ENDOD1: variants seen among roughly 807,000 people sequenced by gnomAD.
The protein encoded by ENDOD1 is endonuclease domain-containing 1 protein.
Under a neutral mutation model 6.5 loss-of-function variants are expected in ENDOD1, and 9 were observed. The observed-to-expected ratio is 1.39, with a 90% CI of 0.84 to 2.43. The LOEUF is 2.43. Among genes scored for constraint, ENDOD1 ranks in the 30% most tolerant of loss-of-function variants. The pLI is 0.00. For missense variants in ENDOD1, 648 were observed against 635.5 expected (o/e 1.02, Z -0.21); for synonymous variants, 255 against 255.2 (o/e 1.00, Z 0.01).
rs1312408696 is a variant in ENDOD1, at chr11:95,122,336, C to G, written c.301-6041C>G. Among the ~76,000 whole-genome samples the G allele has an allele frequency of 2.0e-5, 3 of 152,062 alleles. No homozygotes were observed. In the East Asian group the frequency reaches 5.8e-4, roughly 29 times the overall value. On this transcript the variant is annotated intron_variant, in intron 1 of 1. Transcript: ENST00000278505. Reference sequence around the variant, plus strand: ...TCCCTGAGTTCAAGCCATTCTCATGCCTCAGCCTCCCAAGTACCTGGGACT... The same window carrying G: ...TCCCTGAGTTCAAGCCATTCTCATGGCTCAGCCTCCCAAGTACCTGGGACT...
rs568590820 is a variant in ENDOD1 at position 95,103,738 on chromosome 11, C to T, written c.300+13511C>T. 2.6e-5 allele frequency among the ~76,000 whole-genome samples: 4 copies of T among 152,298 alleles called. No individual in the cohort carries two copies. In the South Asian group the frequency reaches 8.3e-4, roughly 32 times the overall value. ...ACCAAATCTCTTAGAGCTCAGTTCC[C>T]CATCTGTGGCATGGGACTAATAAAT... On this transcript the variant is annotated intron_variant, in intron 1 of 1. Coordinates refer to ENST00000278505, the MANE Select transcript of ENDOD1 (RefSeq NM_015036.3).
chr11:95,126,634 A>G (rs1009032663), intron 1 of ENDOD1, among the ~76,000 whole-genome samples: 3 of 152,164 alleles, frequency 2.0e-5, no homozygotes, highest in African/African-American at 7.2e-5. Flanking sequence ...ACATTATAGC[A>G]TATATTTTCT....
chr11:95,093,079 C>A (rs999697007), intron 1 of ENDOD1, among the ~76,000 whole-genome samples: 4 of 152,196 alleles, frequency 2.6e-5, no homozygotes, highest in Admixed American at 2.0e-4. Flanking sequence ...TGAAAAGAAT[C>A]TCCTAAGTCA....
rs538312888 is a variant in ENDOD1, at chr11:95,104,797, TC to T, written c.300+14572del. Among the ~76,000 whole-genome samples the T allele has an allele frequency of 6.6e-4, 101 of 152,324 alleles. 3 individuals are homozygous for T. In the South Asian group the frequency reaches 0.02, roughly 30 times the overall value. ...TCCCACAGAGTCTTCAGGGTCTTTT[TC>T]CTACCCTGTCTGTATCTTCTCTCTT... On this transcript the variant is annotated intron_variant, in intron 1 of 1. Transcript: ENST00000278505.
intron 1 of ENDOD1, among the ~76,000 whole-genome samples, chr11:95,102,874 G>T (rs1010538695): frequency 3.3e-5 from 5 of 152,078 alleles, no homozygotes; most frequent in Non-Finnish European, 7.3e-5. Flanking sequence ...ATTTATTATG[G>T]TTATAATCTT....
At chr11:95,125,296 G>A (rs1157478980) in intron 1 of ENDOD1, among the ~76,000 whole-genome samples, 1 of 152,128 alleles carries the variant, frequency 6.6e-6, no homozygotes, top group Non-Finnish European at 1.5e-5. Flanking sequence ...TTAAAATCCC[G>A]ACCTTACACC....
At chr11:95,091,360 G>A (rs1380387837) in intron 1 of ENDOD1, among the ~76,000 whole-genome samples, 1 of 152,162 alleles carries the variant, frequency 6.6e-6, no homozygotes, top group African/African-American at 2.4e-5. Flanking sequence ...CTGAGGTCTT[G>A]GCCAGGTCTC....
intron 1 of ENDOD1, among the ~76,000 whole-genome samples, chr11:95,096,053 A>G (rs1240426764): frequency 1.3e-5 from 2 of 152,094 alleles, no homozygotes; most frequent in African/African-American, 4.8e-5. Context: ...ATGGTGATTG[A>G]ATGGAGCTTT....
At chr11:95,097,823 G>T (rs1555110476) in intron 1 of ENDOD1, among the ~76,000 whole-genome samples, 3 of 152,142 alleles carry the variant, frequency 2.0e-5, no homozygotes, top group African/African-American at 4.8e-5. Flanking sequence ...AAGGGTTTGG[G>T]CCTGAATAAT....
intron 1 of ENDOD1, among the ~76,000 whole-genome samples, chr11:95,111,203 C>T (rs1252505692): frequency 6.6e-6 from 1 of 152,112 alleles, no homozygotes; most frequent in Non-Finnish European, 1.5e-5. Flanking sequence ...GATTTTGCAG[C>T]CCAGAAGTCC....
intron 1 of ENDOD1, among the ~76,000 whole-genome samples, chr11:95,101,685 G>A (rs546954321): frequency 2.0e-5 from 3 of 152,052 alleles, no homozygotes; most frequent in African/African-American, 4.8e-5. Flanking sequence ...AGAGACACAC[G>A]GACTATTTCA....
At chr11:95,117,037 G>A (rs1859215699) in intron 1 of ENDOD1, among the ~76,000 whole-genome samples, 1 of 152,220 alleles carries the variant, frequency 6.6e-6, no homozygotes, top group South Asian at 2.1e-4. Context: ...TGGAAGATCT[G>A]TCCAATGCTG....
chr11:95,094,240 A>G (rs1858959530), intron 1 of ENDOD1, among the ~76,000 whole-genome samples: 1 of 151,710 alleles, frequency 6.6e-6, no homozygotes. Flanking sequence ...TATTATCTTC[A>G]TTGTAGAAAG....
chr11:95,114,692 G>T (rs2134170203), intron 1 of ENDOD1, among the ~76,000 whole-genome samples: 1 of 152,236 alleles, frequency 6.6e-6, no homozygotes, highest in South Asian at 2.1e-4. Flanking sequence ...ATTGGGGTCT[G>T]CTTTCATTCT....
intron 1 of ENDOD1, among the ~76,000 whole-genome samples, chr11:95,108,214 C>G (rs1472213664): frequency 1.3e-5 from 2 of 152,184 alleles, no homozygotes; most frequent in Non-Finnish European, 2.9e-5. Context: ...AGAACACCCA[C>G]CCTTTCGAAC....
At chr11:95,115,843 C>G (rs1859203595) in intron 1 of ENDOD1, among the ~76,000 whole-genome samples, 1 of 152,054 alleles carries the variant, frequency 6.6e-6, no homozygotes, top group Non-Finnish European at 1.5e-5. Flanking sequence ...TAAATCCCAC[C>G]TGGTCATGAT....
At chr11:95,094,896 G>T (rs1306600551) in intron 1 of ENDOD1, among the ~76,000 whole-genome samples, 1 of 152,182 alleles carries the variant, frequency 6.6e-6, no homozygotes, top group South Asian at 2.1e-4. Context: ...TTCATTAAAG[G>T]TTGTAAAAGT....
At chr11:95,099,415 C>T (rs555406100) in intron 1 of ENDOD1, among the ~76,000 whole-genome samples, 1 of 152,274 alleles carries the variant, frequency 6.6e-6, no homozygotes, top group East Asian at 1.9e-4. Flanking sequence ...GTCTCAATGC[C>T]AGCTGTCCCT....
Position 95,132,398 on chromosome 11 carries a change from AT to A in ENDOD1, c.*2822del, listed in dbSNP as rs1859379442. The A allele has an allele frequency of 6.6e-6, 1 of 152,592 alleles. No homozygotes were observed. Among genetic ancestry groups the A allele is most frequent in the African/African-American group, 2.4e-5 (1 of 41,452 alleles). The allele number at this position is 152,592 out of a possible 1,614,324, so 9.5% of individuals were successfully genotyped here. The stretch of plus-strand genomic sequence containing the variant: ...GGTTGCAGAGATGAACAATGCATGG[AT>A]TTCATCTTTGAGGAGTTCAAAACCT... On this transcript the variant is annotated 3_prime_UTR_variant, in exon 2 of 2. Coordinates refer to ENST00000278505, the MANE Select transcript of ENDOD1 (RefSeq NM_015036.3).
Sources: gnomAD v4.1 joint callset for allele counts (sites outside exome capture counted in the v4.1 genomes callset) on GRCh38, gnomAD v4.1.1 for gene constraint, MANE v1.5 for transcripts, NCBI Gene and HGNC (gene_info 2026-07-23, HGNC 2026-07-21) for gene names.